PLXND1: variants seen among roughly 807,000 people sequenced by gnomAD.
PLXND1 encodes plexin-D1.
In PLXND1, 54 loss-of-function variants were observed where a neutral mutation model predicts 197.7. That is an observed-to-expected ratio of 0.27 (90% CI 0.22 to 0.34). The LOEUF is 0.34. Among genes scored for constraint, PLXND1 ranks in the 10% least tolerant of loss-of-function variants. PLXND1 has a pLI of 1.00. For missense variants in PLXND1, 2,127 were observed against 2,699.2 expected (o/e 0.79, Z 4.70); for synonymous variants, 1,180 against 1,161.2 (o/e 1.02, Z -0.33).
In PLXND1 at chr3:129,558,002, C is replaced by T. The variant is rs1158473074; in HGVS notation, c.5445+426G>A. Among the ~76,000 whole-genome samples, 1 of 152,244 alleles carries T rather than the reference C, an allele frequency of 6.6e-6. No homozygotes were observed. The highest frequency in any genetic ancestry group is 1.9e-4 in the East Asian group (1 of 5,202). On this transcript the variant is annotated intron_variant, in intron 33 of 35. Coordinates refer to ENST00000324093, the MANE Select transcript of PLXND1 (RefSeq NM_015103.3). The surrounding 1 kb of genome is among the most constrained non-coding windows in gnomAD (Gnocchi z 4.1). ...ATGAATCTCAGAGCTCCTAGCCACC[C>T]ATCACCCCTCTGCCCACCCCTTCAC...
chr3:129,566,441 T>C (rs1258314486), intron 23 of PLXND1, 86 bp downstream of exon 23: 7 of 813,944 alleles, frequency 8.6e-6, no homozygotes, highest in East Asian at 2.5e-5. Context: ...CAGGGATCAA[T>C]GCATTAGATG....
chr3:129,555,339 C>T lies in PLXND1; in HGVS notation c.*973G>A, dbSNP rs1578296103. The T allele has an allele frequency of 3.2e-5, 19 of 588,992 alleles. No individual in the cohort carries two copies. In the East Asian group the frequency reaches 6.1e-4, roughly 19 times the overall value. The allele number at this position is 588,992 out of a possible 1,614,324, so 36.5% of individuals were successfully genotyped here. ...GTTGGCTGCGAGGGGCCCGCATGGC[C>T]CATCGGCCACAGAGGGTCGTTTCTG... On this transcript the variant is annotated 3_prime_UTR_variant, in exon 36 of 36. Coordinates refer to ENST00000324093, the MANE Select transcript of PLXND1 (RefSeq NM_015103.3).
rs201334507 is a variant in PLXND1 at position 129,584,393 on chromosome 3, G to T, written c.2021C>A (p.Pro674His). 18 of 1,612,314 alleles carry T rather than the reference G, an allele frequency of 1.1e-5. No individual in the cohort carries two copies. The highest frequency in any genetic ancestry group is 1.6e-4 in the Middle Eastern group (1 of 6,074). Residue 674 changes from proline to histidine, a missense_variant, in exon 6 of 36, where the codon CCC becomes CAC. Pro to His is a moderately conservative substitution (Grantham distance 77). Around this residue, in one of 6 missense-constraint regions of PLXND1, gnomAD observed 1,095 missense variants for 1,259.8 expected, o/e 0.87. Transcript: ENST00000324093. ...CAGCACAGCGTGCTTACCCTGGTTG[G>T]GGGGGAAGGGCGGAAACTGGTCCCT... ...LPRDQFPPFP[P>H]NQDHVTVEMS...
chr3:129,588,831 G>A (rs2085496986), intron 2 of PLXND1, among the ~76,000 whole-genome samples: 1 of 152,232 alleles, frequency 6.6e-6, no homozygotes, highest in African/African-American at 2.4e-5. Flanking sequence ...CAGGAATCTC[G>A]GGGCCACGGG....
At chr3:129,583,122 T>A (rs143811450) in intron 8 of PLXND1, among the ~76,000 whole-genome samples, 2 of 152,356 alleles carry the variant, frequency 1.3e-5, no homozygotes, top group African/African-American at 4.8e-5. Context: ...AGTCTGGTAC[T>A]GCCTGAGTCG....
intron 1 of PLXND1, among the ~76,000 whole-genome samples, chr3:129,599,271 C>T (rs530487949): frequency 7.9e-5 from 12 of 152,370 alleles, no homozygotes; most frequent in Admixed American, 3.9e-4. Context: ...GGGCCCGATG[C>T]GCGTGGCCCT....
At chr3:129,573,941 A>G (rs547545837) in intron 12 of PLXND1, among the ~76,000 whole-genome samples, 196 bp from the exon 13 acceptor site, 1 of 152,242 alleles carries the variant, frequency 6.6e-6, no homozygotes, top group South Asian at 2.1e-4. Flanking sequence ...GTGGGTGTGC[A>G]TTACTGAGCC....
At position 129,565,471 on chromosome 3, in the gene PLXND1, T is replaced by C. The variant is rs1240397688; in HGVS notation, c.4390A>G (p.Lys1464Glu). The C allele has an allele frequency of 6.2e-7, 1 of 1,613,702 alleles. No homozygotes were observed. The highest frequency in any genetic ancestry group is 8.5e-7 in the Non-Finnish European group (1 of 1,179,734). The change falls in exon 25 of 36, where the codon AAG becomes GAG. Residue 1464 changes from lysine (K) to glutamate (E), a missense_variant. This residue lies in a region of PLXND1 where 532 missense variants were observed against 811.0 expected (regional missense o/e 0.66). Coordinates refer to ENST00000324093, the MANE Select transcript of PLXND1 (RefSeq NM_015103.3). ...GKLEYYTSIM[K>E]ELLVDLIDAS... ...TCAATGAGGTCCACCAGCAGCTCCT[T>C]CATGATGCTGGTGTAGTACTCCAGC... is the stretch of plus-strand genomic sequence containing the variant.
chr3:129,597,451 C>A (rs1349843127), intron 1 of PLXND1, among the ~76,000 whole-genome samples: 1 of 152,104 alleles, frequency 6.6e-6, no homozygotes, highest in African/African-American at 2.4e-5. Flanking sequence ...CTTTCCTGGG[C>A]CTGGCCTCCA....
chr3:129,576,442 TCAG>T (rs1185348313), intron 9 of PLXND1, among the ~76,000 whole-genome samples: 3 of 152,216 alleles, frequency 2.0e-5, no homozygotes, highest in African/African-American at 7.2e-5. Context: ...ATTCATTCCC[TCAG>T]CAGCAACTAT....
chr3:129,563,438 G>A (rs990882869), intron 25 of PLXND1, among the ~76,000 whole-genome samples, 198 bp from the exon 26 acceptor site: 4 of 152,250 alleles, frequency 2.6e-5, no homozygotes, highest in East Asian at 1.9e-4. Context: ...CTGTGGGTGG[G>A]TGCATTCATT....
chr3:129,603,306 C>T (rs961134310), intron 1 of PLXND1, among the ~76,000 whole-genome samples: 1 of 152,206 alleles, frequency 6.6e-6, no homozygotes, highest in Non-Finnish European at 1.5e-5. Flanking sequence ...CTCCAGCCCC[C>T]CTCAGCTGGG....
chr3:129,571,897 C>T (rs369507843), intron 15 of PLXND1, 53 bp from the exon 16 acceptor site: 119 of 1,519,866 alleles, frequency 7.8e-5, no homozygotes, highest in Admixed American at 1.7e-4. Context: ...GCTCACCCAC[C>T]GCCAATGCCC....
At chr3:129,563,323 G>T in intron 25 of PLXND1, 83 bp from the exon 26 acceptor site, 1 of 1,163,448 alleles carries the variant, frequency 8.6e-7, no homozygotes, top group Non-Finnish European at 1.2e-6. Flanking sequence ...TCACGCCCCC[G>T]TCCCCCAACC....
intron 1 of PLXND1, among the ~76,000 whole-genome samples, chr3:129,590,420 T>C (rs4688807): frequency 0.68 from 102,734 of 151,910 alleles, 35,594 homozygotes; most frequent in Non-Finnish European, 0.74. Context: ...GAAGTGACCC[T>C]GAGACAATAA....
chr3:129,557,772 G>A lies in PLXND1; in HGVS notation c.5446-549C>T, dbSNP rs1195071452. ...TTCCCGTGGTCCGTCTCTGAAATGC[G>A]TGGGCTAAATGCAGGGTCACACACG... On this transcript the variant is annotated intron_variant, in intron 33 of 35. Coordinates refer to ENST00000324093, the MANE Select transcript of PLXND1 (RefSeq NM_015103.3). This position sits in a 1 kb window ranked among gnomAD's most constrained non-coding sequence, Gnocchi z 4.8. 2.6e-5 allele frequency among the ~76,000 whole-genome samples: 4 copies of A among 152,206 alleles called. No individual in the cohort carries two copies. Among genetic ancestry groups the A allele is most frequent in the Non-Finnish European group, 5.9e-5 (4 of 68,040 alleles).
intron 1 of PLXND1, among the ~76,000 whole-genome samples, chr3:129,596,496 G>C (rs1409068446): frequency 6.6e-6 from 1 of 152,122 alleles, no homozygotes; most frequent in East Asian, 1.9e-4. Context: ...GAGGAGCACA[G>C]TGTGGGATGG....
intron 25 of PLXND1, among the ~76,000 whole-genome samples, chr3:129,563,729 C>T (rs1411281414): frequency 6.6e-6 from 1 of 152,202 alleles, no homozygotes; most frequent in East Asian, 1.9e-4. Flanking sequence ...GCTCAATGTC[C>T]CTGCTCTTGC....
chr3:129,586,534 G>A, intron 3 of PLXND1, 54 bp downstream of exon 3: 1 of 1,550,668 alleles, frequency 6.4e-7, no homozygotes, highest in Non-Finnish European at 8.7e-7. Context: ...GGCCAGGCAA[G>A]CAAGAGGGCT....
Sources: gnomAD v4.1 joint callset for allele counts (sites outside exome capture counted in the v4.1 genomes callset) on GRCh38, gnomAD v4.1.1 for gene constraint, gnomAD v4.1.1 regional missense constraint, Gnocchi (gnomAD v3.1) non-coding constraint, MANE v1.5 for transcripts, NCBI Gene and HGNC (gene_info 2026-07-23, HGNC 2026-07-21) for gene names.